The following NTNG1 variants were observed in gnomAD, a reference collection of about 807,000 sequenced individuals.
The protein encoded by NTNG1 is netrin-G1.
A neutral mutation model predicts 54.0 loss-of-function variants in NTNG1; 16 were observed. The observed-to-expected ratio is 0.30, with a 90% CI of 0.20 to 0.45. NTNG1 has a LOEUF of 0.45. Among genes scored for constraint, NTNG1 ranks in the 20% least tolerant of loss-of-function variants. The probability of loss-of-function intolerance (pLI) is 1.00; values close to 1 mark genes in which losing one functional copy is unlikely to be tolerated. For synonymous variants in NTNG1, 255 were observed against 263.1 expected (o/e 0.97, Z 0.30); for missense variants, 530 against 678.7 (o/e 0.78, Z 2.43).
At chr1:107,421,535 G>A (rs1674573522) in intron 5 of NTNG1, among the ~76,000 whole-genome samples, 1 of 152,038 alleles carries the variant, frequency 6.6e-6, no homozygotes, top group African/African-American at 2.4e-5. Flanking sequence ...TCCATGTATG[G>A]TGCCCATTTC....
In NTNG1 at chr1:107,320,198, T is replaced by G. The variant is rs571580846; in HGVS notation, c.247-4084T>G. 1.9e-3 allele frequency among the ~76,000 whole-genome samples: 288 copies of G among 152,268 alleles called. 3 individuals are homozygous for G. The highest frequency in any genetic ancestry group is 6.6e-3 in the African/African-American group (274 of 41,564). On this transcript the variant is annotated intron_variant, in intron 2 of 7. Coordinates refer to ENST00000370068, the MANE Select transcript of NTNG1 (RefSeq NM_001113226.3). ...TTAGCAGCAATAGCTGTTTAATTAT[T>G]TAGGCATTTGTTAGTGGTGTAAATA...
intron 2 of NTNG1, among the ~76,000 whole-genome samples, chr1:107,172,838 T>C (rs1656353641): frequency 6.6e-6 from 1 of 152,126 alleles, no homozygotes; most frequent in African/African-American, 2.4e-5. Flanking sequence ...TTTCGAGCAA[T>C]AGGTACTTGG....
intron 1 of NTNG1, among the ~76,000 whole-genome samples, chr1:107,143,927 A>G (rs1288372217): frequency 6.6e-6 from 1 of 152,100 alleles, no homozygotes. Flanking sequence ...GAGATCTTTC[A>G]ATTACCACGG....
At chr1:107,221,913 A>C (rs1484020387) in intron 2 of NTNG1, among the ~76,000 whole-genome samples, 2 of 152,132 alleles carry the variant, frequency 1.3e-5, no homozygotes, top group Admixed American at 1.3e-4. Context: ...CTGCTAAGCT[A>C]TCCAGCCTCA....
At chr1:107,218,627 G>A (rs1660129517) in intron 2 of NTNG1, among the ~76,000 whole-genome samples, 1 of 152,048 alleles carries the variant, frequency 6.6e-6, no homozygotes, top group African/African-American at 2.4e-5. Flanking sequence ...GCTCCTTTTA[G>A]AAGTTCTCAT....
chr1:107,425,383 T>C (rs1674836314), intron 5 of NTNG1, among the ~76,000 whole-genome samples: 1 of 152,030 alleles, frequency 6.6e-6, no homozygotes, highest in South Asian at 2.1e-4. Context: ...CATCTTTATG[T>C]CCGTATGTAC....
chr1:107,452,605 G>A (rs531059516), intron 7 of NTNG1, among the ~76,000 whole-genome samples: 1 of 152,266 alleles, frequency 6.6e-6, no homozygotes, highest in South Asian at 2.1e-4. Context: ...TCCTTCTGGT[G>A]AGACTGGATT....
At chr1:107,407,629 T>C in intron 4 of NTNG1, 53 bp from the exon 5 acceptor site, 2 of 1,390,778 alleles carry the variant, frequency 1.4e-6, no homozygotes, top group Non-Finnish European at 2.0e-6. Flanking sequence ...TTAAAGATGT[T>C]ATGTACTAAT....
At chr1:107,231,404 C>T (rs1050520317) in intron 2 of NTNG1, among the ~76,000 whole-genome samples, 6 of 152,134 alleles carry the variant, frequency 3.9e-5, no homozygotes, top group Non-Finnish European at 7.4e-5. Context: ...ATGCCATTTA[C>T]TGCGGTAAAT....
In NTNG1 at chr1:107,430,994, C is replaced by T. The variant is rs1348336833; in HGVS notation, c.1255+77C>T. On this transcript the variant is annotated intron_variant, in intron 6 of 7. Transcript: ENST00000370068. Reference sequence around the variant, plus strand: ...GAGATATTTAGGGTGGAGAGGCTGGCGATTTGCACCGCGGTTGAGCCAGAA... The same window carrying T: ...GAGATATTTAGGGTGGAGAGGCTGGTGATTTGCACCGCGGTTGAGCCAGAA... The T allele has an allele frequency of 9.7e-6, 13 of 1,340,114 alleles. No individual in the cohort carries two copies. In the South Asian group the frequency reaches 1.6e-4, roughly 16 times the overall value. The allele number at this position is 1,340,114 out of a possible 1,614,324, so 83.0% of individuals were successfully genotyped here.
intron 3 of NTNG1, among the ~76,000 whole-genome samples, chr1:107,386,131 G>GTA (rs1205901659): frequency 1.1e-3 from 138 of 131,038 alleles, no homozygotes; most frequent in African/African-American, 2.8e-3. Context: ...TTATATGTAT[G>GTA]TATATATATA....
intron 2 of NTNG1, among the ~76,000 whole-genome samples, chr1:107,267,955 C>A (rs1663862582): frequency 6.6e-6 from 1 of 152,178 alleles, no homozygotes; most frequent in Admixed American, 6.5e-5. Context: ...CCTTCTTTCC[C>A]ATACTGTGGA....
chr1:107,179,300 A>T (rs956286628), intron 2 of NTNG1, among the ~76,000 whole-genome samples: 4 of 152,146 alleles, frequency 2.6e-5, no homozygotes, highest in African/African-American at 9.7e-5. Context: ...TTCTTGTGGG[A>T]AATATTTTAT....
chr1:107,290,982 T>TAC lies in NTNG1; in HGVS notation c.247-33299_247-33298insCA, dbSNP rs1409646963. ...TATATATTATATATATATATATATA[T>TAC]ATACACACACACATACATACACACG... On this transcript the variant is annotated intron_variant, in intron 2 of 7. Coordinates refer to ENST00000370068, the MANE Select transcript of NTNG1 (RefSeq NM_001113226.3). Among the ~76,000 whole-genome samples, 21 of 144,300 alleles carry TAC rather than the reference T, an allele frequency of 1.5e-4. No individual in the cohort carries two copies. The East Asian group carries it at 2.4e-3, about 16-fold the overall frequency. The allele number at this position is 144,300 out of a possible 152,430, so 94.7% of individuals were successfully genotyped here. A position where few individuals can be genotyped will look rare whatever the true frequency, so the allele number is the denominator to read the frequency against.
At chr1:107,225,081 C>T (rs569933700) in intron 2 of NTNG1, among the ~76,000 whole-genome samples, 3 of 152,126 alleles carry the variant, frequency 2.0e-5, no homozygotes, top group South Asian at 4.2e-4. Flanking sequence ...GTTACTTGTC[C>T]ATATACCCAG....
chr1:107,378,085 T>G (rs774655224), intron 3 of NTNG1, among the ~76,000 whole-genome samples: 1 of 152,232 alleles, frequency 6.6e-6, no homozygotes, highest in Non-Finnish European at 1.5e-5. Context: ...ATGTAAGTGC[T>G]TATATTTAGA....
chr1:107,351,551 G>T (rs1669601159), intron 3 of NTNG1, among the ~76,000 whole-genome samples: 1 of 152,108 alleles, frequency 6.6e-6, no homozygotes, highest in African/African-American at 2.4e-5. Context: ...GGGATAATCT[G>T]CCCCCATGAT....
At chr1:107,248,708 G>A (rs1662364279) in intron 2 of NTNG1, among the ~76,000 whole-genome samples, 1 of 152,138 alleles carries the variant, frequency 6.6e-6, no homozygotes, top group Admixed American at 6.5e-5. Flanking sequence ...TGGTGAAAAT[G>A]CAAGACTGTT....
At chr1:107,259,629 G>A (rs1052394176) in intron 2 of NTNG1, among the ~76,000 whole-genome samples, 1 of 151,926 alleles carries the variant, frequency 6.6e-6, no homozygotes, top group Non-Finnish European at 1.5e-5. Flanking sequence ...TATTCTGCTG[G>A]GAATGAATAA....
Sources: allele counts gnomAD v4.1 joint callset (sites outside exome capture counted in the v4.1 genomes callset), GRCh38; gene constraint gnomAD v4.1.1; transcripts MANE v1.5; gene names NCBI Gene and HGNC (gene_info 2026-07-23, HGNC 2026-07-21).